PDS5B: variants seen among roughly 807,000 people sequenced by gnomAD.
PDS5B encodes the protein PDS5 cohesin associated factor B.
PDS5B carries 51 observed loss-of-function variants against 184.1 expected under a neutral mutation model. The observed-to-expected ratio is 0.28, with a 90% confidence interval of 0.22 to 0.35. The LOEUF (loss-of-function observed/expected upper bound fraction) is 0.35. Ranked by LOEUF, PDS5B falls within the 10% of genes least tolerant of loss-of-function variation. The pLI, the probability that PDS5B is intolerant of heterozygous loss-of-function variation, is 1.00. For synonymous variants in PDS5B, 566 were observed against 569.2 expected (o/e 0.99, Z 0.08); for missense variants, 1,180 against 1,723.3 (o/e 0.68, Z 5.58).
chr13:32,775,101 T>TTTTTTTG lies in PDS5B; in HGVS notation c.*55_*56insGTTTTTT, dbSNP rs759320477. 6.6e-7 allele frequency: 1 copy of TTTTTTTG among 1,506,794 alleles called. No homozygotes were observed. The highest frequency in any genetic ancestry group is 1.2e-5 in the South Asian group (1 of 84,422). 93.3% of individuals were successfully genotyped at this position (1,506,794 alleles called of 1,614,324 possible). ...CTGTGAAAGCTTTGGAAAAATCTTT[T>TTTTTTTG]TTTTTTTTTTTGGTCAAGCTTGAGG... On this transcript the variant is annotated 3_prime_UTR_variant, in exon 35 of 35. Coordinates refer to ENST00000315596, the MANE Select transcript of PDS5B (RefSeq NM_015032.4).
intron 6 of PDS5B, 88 bp from the exon 7 acceptor site, chr13:32,667,676 A>G: frequency 2.6e-6 from 2 of 758,944 alleles, no homozygotes; most frequent in East Asian, 3.1e-5. Flanking sequence ...TTTTTCATTC[A>G]TTTACTCAAG....
At chr13:32,762,988 T>C (rs1349601224) in intron 30 of PDS5B, among the ~76,000 whole-genome samples, 1 of 152,216 alleles carries the variant, frequency 6.6e-6, no homozygotes, top group Non-Finnish European at 1.5e-5. Context: ...AGTATCCTAA[T>C]TTATACTTTT....
chr13:32,748,372 C>T (rs1953838407), intron 24 of PDS5B, among the ~76,000 whole-genome samples: 1 of 152,080 alleles, frequency 6.6e-6, no homozygotes, highest in African/African-American at 2.4e-5. Flanking sequence ...TTTGACACAA[C>T]TCATTGCTTC....
intron 11 of PDS5B, among the ~76,000 whole-genome samples, chr13:32,685,416 G>A (rs977282840): frequency 2.0e-5 from 3 of 152,038 alleles, no homozygotes; most frequent in Non-Finnish European, 2.9e-5. Flanking sequence ...AATTTGAGCT[G>A]TTTTTGTGTA....
chr13:32,712,588 A>G (rs1952242343), intron 19 of PDS5B, among the ~76,000 whole-genome samples: 1 of 152,246 alleles, frequency 6.6e-6, no homozygotes, highest in Admixed American at 6.5e-5. Flanking sequence ...CACCAACTGG[A>G]CAGAATTGGC....
chr13:32,667,880 A>C (rs1950843032), intron 7 of PDS5B, 36 bp downstream of exon 7: 2 of 1,289,700 alleles, frequency 1.6e-6, no homozygotes, highest in East Asian at 2.5e-5. Flanking sequence ...CAGAAGGATT[A>C]AACTGAAAAT....
At chr13:32,764,997 C>G (rs1355467083) in intron 31 of PDS5B, among the ~76,000 whole-genome samples, 2 of 152,014 alleles carry the variant, frequency 1.3e-5, no homozygotes, top group East Asian at 1.9e-4. Context: ...ATTTCTTGAG[C>G]CTTTTACTAA....
chr13:32,668,550 A>G lies in PDS5B; in HGVS notation c.705+706A>G, dbSNP rs549203779. Among the ~76,000 whole-genome samples the G allele has an allele frequency of 1.8e-3, 272 of 152,262 alleles. 1 individual carries two copies. Among genetic ancestry groups the G allele is most frequent in the African/African-American group, 5.9e-3 (246 of 41,564 alleles). ...TCTACAGATTTAGGTGGCAGTATTC[A>G]TATTATATTCTGTGTGAATGGTGCC... On this transcript the variant is annotated intron_variant, in intron 7 of 34. Coordinates refer to ENST00000315596, the MANE Select transcript of PDS5B (RefSeq NM_015032.4).
chr13:32,689,281 A>G (rs1268902211), intron 13 of PDS5B: 1 of 152,114 alleles, frequency 6.6e-6, no homozygotes, highest in African/African-American at 2.4e-5. Context: ...GCTGTATGTA[A>G]TTTTCATTTG....
At position 32,724,183 on chromosome 13, in the gene PDS5B, C is replaced by A. The variant is rs547491808; in HGVS notation, c.2124-7918C>A. Reference sequence around the variant, plus strand: ...CCAGACTGGAGTGCAGTAGTCAGATCGTAGCTCACTGCGGCCTTGAACTTC... The same window carrying A: ...CCAGACTGGAGTGCAGTAGTCAGATAGTAGCTCACTGCGGCCTTGAACTTC... On this transcript the variant is annotated intron_variant, in intron 19 of 34. Transcript: ENST00000315596. Among the ~76,000 whole-genome samples the A allele has an allele frequency of 3.9e-5, 6 of 152,084 alleles. No individual in the cohort carries two copies. The South Asian group carries it at 1.2e-3, about 32-fold the overall frequency.
At chr13:32,770,812 G>GTT in intron 33 of PDS5B, 51 bp downstream of exon 33, 1 of 1,380,670 alleles carries the variant, frequency 7.2e-7, no homozygotes, top group African/African-American at 1.4e-5. Flanking sequence ...TTTTGCAAAA[G>GTT]TTCCTAAATT....
chr13:32,762,058 C>T (rs1004806519), intron 30 of PDS5B, among the ~76,000 whole-genome samples: 2 of 152,024 alleles, frequency 1.3e-5, no homozygotes, highest in Non-Finnish European at 2.9e-5. Context: ...TGATGATTAG[C>T]GATGATGAGC....
rs200081321 is a variant in PDS5B, at chr13:32,636,061, TC to T, written c.-19-12690del. Among the ~76,000 whole-genome samples, 1,367 of 152,196 alleles carry T rather than the reference TC, an allele frequency of 9.0e-3. 27 individuals carry two copies. The highest frequency in any genetic ancestry group is 0.032 in the African/African-American group (1,319 of 41,536). On this transcript the variant is annotated intron_variant, in intron 1 of 34. Transcript: ENST00000315596. ...TGGGATTACAGGCGTGAGCCACCGC[TC>T]CCGGCCTAGTATTCTGATTCTTAAT...
chr13:32,726,546 A>G (rs531085488), intron 19 of PDS5B, among the ~76,000 whole-genome samples: 36 of 152,306 alleles, frequency 2.4e-4, no homozygotes, highest in African/African-American at 7.2e-4. Context: ...TCTCACTAGC[A>G]GTATGTAAGA....
chr13:32,592,601 G>C (rs1346064691), intron 1 of PDS5B, among the ~76,000 whole-genome samples: 1 of 152,058 alleles, frequency 6.6e-6, no homozygotes, highest in African/African-American at 2.4e-5. Flanking sequence ...TGTCTCTTTG[G>C]TACTATTCCT....
intron 19 of PDS5B, among the ~76,000 whole-genome samples, chr13:32,711,472 C>T (rs1392788953): frequency 6.6e-6 from 1 of 152,182 alleles, no homozygotes; most frequent in Non-Finnish European, 1.5e-5. Context: ...ATTCTCCTGC[C>T]TCAGCCTCCT....
At chr13:32,721,576 C>T (rs573363293) in intron 19 of PDS5B, among the ~76,000 whole-genome samples, 6 of 136,288 alleles carry the variant, frequency 4.4e-5, no homozygotes, top group South Asian at 2.4e-4. Context: ...GGGTGGCGGC[C>T]GGGTAGAGAC....
In PDS5B at chr13:32,770,639, T is replaced by A. The variant is rs1465221719; in HGVS notation, c.4065-15T>A. The A allele has an allele frequency of 6.2e-7, 1 of 1,602,348 alleles. No individual in the cohort carries two copies. The highest frequency in any genetic ancestry group is 8.5e-7 in the Non-Finnish European group (1 of 1,175,320). Reference sequence around the variant, plus strand: ...TAATTTGATGCTATCCACATTTGGGTCTTCCCCAAAGCAGAGCAGAATCTC... The same window carrying A: ...TAATTTGATGCTATCCACATTTGGGACTTCCCCAAAGCAGAGCAGAATCTC... On this transcript the variant is annotated splice_polypyrimidine_tract_variant and intron_variant, in intron 32 of 34. Transcript: ENST00000315596.
Position 32,770,773 on chromosome 13 carries a change from A to C in PDS5B, c.4172+12A>C. 1 of 1,566,626 alleles carries C rather than the reference A, an allele frequency of 6.4e-7. No homozygotes were observed. Among genetic ancestry groups the C allele is most frequent in the Non-Finnish European group, 8.7e-7 (1 of 1,147,606 alleles). ...CCAAAAAAAAATGTGTAAGTTGTAA[A>C]TATTACATTTCAAACCAATTTCAAA... On this transcript the variant is annotated intron_variant, in intron 33 of 34. Transcript: ENST00000315596.
Sources: gnomAD v4.1 joint callset for allele counts (sites outside exome capture counted in the v4.1 genomes callset) on GRCh38, gnomAD v4.1.1 for gene constraint, MANE v1.5 for transcripts, NCBI Gene and HGNC (gene_info 2026-07-23, HGNC 2026-07-21) for gene names.